Variants in GAK observed in about 807,000 individuals in gnomAD.
GAK encodes cyclin-G-associated kinase.
A neutral mutation model predicts 143.9 loss-of-function variants in GAK; 79 were observed. The ratio of observed to expected loss-of-function variants is 0.55; its 90% CI spans 0.46 to 0.66. GAK has a LOEUF of 0.66. Among genes scored for constraint, GAK ranks in the 30% least tolerant of loss-of-function variants. GAK has a pLI of 0.00. For synonymous variants in GAK, 881 were observed against 765.5 expected (o/e 1.15, Z -2.49); for missense variants, 1,693 against 1,779.7 (o/e 0.95, Z 0.88).
At position 849,661 on chromosome 4, in the gene GAK, A is replaced by G; in HGVS notation, c.*12T>C. On this transcript the variant is annotated 3_prime_UTR_variant, in exon 28 of 28. Coordinates refer to ENST00000314167, the MANE Select transcript of GAK (RefSeq NM_005255.4). ...CTGTGGAGCTGTGTGCGCAGCCACC[A>G]CCACTGCGGCCTCAGAAGAGGGGCC... 1 of 1,601,468 alleles carries G rather than the reference A, an allele frequency of 6.2e-7. No homozygotes were observed.
In GAK at chr4:849,445, A is replaced by G; in HGVS notation, c.*228T>C. ...TCACAGACGTGACAATTGCGGGAGG[A>G]GCATGAATCAGCTGTTCCTTCGGGA... On this transcript the variant is annotated 3_prime_UTR_variant, in exon 28 of 28. Coordinates refer to ENST00000314167, the MANE Select transcript of GAK (RefSeq NM_005255.4). 2 of 565,132 alleles carry G rather than the reference A, an allele frequency of 3.5e-6. No homozygotes were observed. The highest frequency in any genetic ancestry group is 4.4e-5 in the South Asian group (2 of 45,020). The allele number at this position is 565,132 out of a possible 1,614,324, so 35.0% of individuals were successfully genotyped here.
chr4:926,178 C>G (rs753417955), intron 1 of GAK, among the ~76,000 whole-genome samples: 1 of 152,276 alleles, frequency 6.6e-6, no homozygotes, highest in African/African-American at 2.4e-5. Context: ...ACAGTGACCT[C>G]CCCCAATGGT....
intron 18 of GAK, among the ~76,000 whole-genome samples, chr4:873,318 C>T (rs1409660188): frequency 1.3e-5 from 2 of 152,212 alleles, no homozygotes; most frequent in Non-Finnish European, 2.9e-5. Context: ...AACGAGCATA[C>T]GGTCTCTGGG....
intron 4 of GAK, among the ~76,000 whole-genome samples, chr4:907,885 G>A (rs954051233): frequency 1.3e-5 from 2 of 152,180 alleles, no homozygotes; most frequent in African/African-American, 2.4e-5. Flanking sequence ...GCGCGCATGC[G>A]TTAGTCTGCC....
intron 16 of GAK, 142 bp downstream of exon 16, chr4:877,473 A>G: frequency 1.2e-6 from 1 of 868,936 alleles, no homozygotes; most frequent in Non-Finnish European, 1.7e-6. Context: ...CAGGATCCCA[A>G]GTGACCTGCC....
intron 6 of GAK, among the ~76,000 whole-genome samples, chr4:897,411 A>G (rs2152879270): frequency 6.6e-6 from 1 of 152,328 alleles, no homozygotes; most frequent in Non-Finnish European, 1.5e-5. Context: ...TACCAATGCA[A>G]GACACAAGAG....
intron 12 of GAK, 47 bp downstream of exon 12, chr4:883,990 C>A: frequency 6.4e-7 from 1 of 1,566,510 alleles, no homozygotes; most frequent in Non-Finnish European, 8.8e-7. Context: ...ACTGGGCACA[C>A]AGGGAAGGGC....
chr4:914,210 A>G (rs369063231), intron 1 of GAK, among the ~76,000 whole-genome samples: 43 of 26,022 alleles, frequency 1.7e-3, no homozygotes, highest in Non-Finnish European at 2.3e-3. Context: ...CAGCGTGCAC[A>G]GCCCCCACAC....
At chr4:914,895 G>A (rs145807218) in intron 1 of GAK, among the ~76,000 whole-genome samples, 3,297 of 90,546 alleles carry the variant, frequency 0.036, 91 homozygotes, top group East Asian at 0.14. Context: ...CAGCGTGCAC[G>A]GCCCCACACA....
intron 5 of GAK, among the ~76,000 whole-genome samples, chr4:903,614 A>AGTGCGGGGCCT: frequency 6.7e-5 from 10 of 149,114 alleles, no homozygotes; most frequent in Non-Finnish European, 1.0e-4. Context: ...GATGAGCAGG[A>AGTGCGGGGCCT]ATGCGGGGCC....
chr4:850,221 C>T, intron 26 of GAK, 153 bp from the exon 27 acceptor site: 1 of 699,208 alleles, frequency 1.4e-6, no homozygotes, highest in East Asian at 2.8e-5. Context: ...ACGCCCTGCC[C>T]TCAACTATAT....
In GAK at chr4:890,683, C is replaced by T. The variant is rs1296385976; in HGVS notation, c.991-61G>A. 3.4e-5 allele frequency: 48 copies of T among 1,406,738 alleles called. No homozygotes were observed. In the Middle Eastern group the frequency reaches 5.3e-4, roughly 16 times the overall value. 87.1% of individuals were successfully genotyped at this position (1,406,738 alleles called of 1,614,324 possible). ...ACTGACAACTCACGCCTGCCCACGT[C>T]GGGCAGAGGTACGGTATGGGTGCCC... is the stretch of plus-strand genomic sequence containing the variant. On this transcript the variant is annotated intron_variant, in intron 9 of 27. Transcript: ENST00000314167.
chr4:873,956 GGTTT>G (rs746852804), intron 18 of GAK, among the ~76,000 whole-genome samples: 11 of 152,156 alleles, frequency 7.2e-5, no homozygotes, highest in South Asian at 2.1e-4. Flanking sequence ...ATCCCACCTG[GGTTT>G]GTTTGTTTAT....
chr4:902,131 G>A (rs1577238072), intron 5 of GAK, among the ~76,000 whole-genome samples: 1 of 151,680 alleles, frequency 6.6e-6, no homozygotes, highest in African/African-American at 2.4e-5. Context: ...CCAGCTACTC[G>A]GGAGGCTGAG....
intron 4 of GAK, among the ~76,000 whole-genome samples, chr4:909,825 C>T (rs1478115184): frequency 6.6e-6 from 1 of 152,224 alleles, no homozygotes. Context: ...GCCAGTTTGA[C>T]GTTTCAGAAC....
chr4:854,820 C>T (rs922973262), intron 24 of GAK, among the ~76,000 whole-genome samples: 12 of 152,062 alleles, frequency 7.9e-5, no homozygotes, highest in Admixed American at 2.6e-4. Context: ...CCGAGGCGGG[C>T]GGATCACGAG....
At chr4:909,205 A>T (rs1442630808) in intron 4 of GAK, among the ~76,000 whole-genome samples, 1 of 152,272 alleles carries the variant, frequency 6.6e-6, no homozygotes, top group Non-Finnish European at 1.5e-5. Flanking sequence ...ATGAAAACTG[A>T]CAAGTAACAC....
chr4:854,667 C>T (rs947266801), intron 24 of GAK, among the ~76,000 whole-genome samples: 6 of 152,206 alleles, frequency 3.9e-5, no homozygotes, highest in Admixed American at 2.6e-4. Flanking sequence ...TGTCTGCCAT[C>T]GCCGCAATGT....
At chr4:898,291 GCCT>G in intron 5 of GAK, 133 bp from the exon 6 acceptor site, 1 of 976,900 alleles carries the variant, frequency 1.0e-6, no homozygotes, top group Non-Finnish European at 1.5e-6. Flanking sequence ...GCTGCCGGGT[GCCT>G]GCAGCACCTC....
Sources: allele counts gnomAD v4.1 joint callset (sites outside exome capture counted in the v4.1 genomes callset), GRCh38; gene constraint gnomAD v4.1.1; transcripts MANE v1.5; gene names NCBI Gene and HGNC (gene_info 2026-07-23, HGNC 2026-07-21).